The following DUS4L variants were observed in gnomAD, a reference collection of about 807,000 sequenced individuals.
DUS4L encodes the protein tRNA-dihydrouridine(20a/20b) synthase [NAD(P)+]-like.
Under a neutral mutation model 33.8 loss-of-function variants are expected in DUS4L, and 31 were observed. That is an observed-to-expected ratio of 0.92 (90% CI 0.69 to 1.24). The LOEUF (loss-of-function observed/expected upper bound fraction) is 1.24, where lower values mean the gene tolerates loss of function less well. Among genes scored for constraint, DUS4L ranks in the 50% most tolerant of loss-of-function variants. The pLI is 0.00. For synonymous variants in DUS4L, 103 were observed against 120.3 expected (o/e 0.86, Z 0.94); for missense variants, 368 against 388.6 (o/e 0.95, Z 0.45).
In DUS4L at chr7:107,571,173, T is replaced by G; in HGVS notation, c.145T>G (p.Tyr49Asp). The change falls in exon 4 of 8, where the codon TAT becomes GAT. Residue 49 changes from tyrosine to aspartate, a missense_variant. By Grantham distance (160) the Tyr-to-Asp change is radical. Coordinates refer to ENST00000265720, the MANE Select transcript of DUS4L (RefSeq NM_181581.3). ...GGCTTTTAGGACACTAGTAAGAAAA[T>G]ATAGTTGTGATCTGTGTTACACACC... ...KLAFRTLVRK[Y>D]SCDLCYTPMI... 1 of 1,613,592 alleles carries G rather than the reference T, an allele frequency of 6.2e-7. No homozygotes were observed. Among genetic ancestry groups the G allele is most frequent in the Non-Finnish European group, 8.5e-7 (1 of 1,179,882 alleles).
chr7:107,574,056 C>T (rs1247773651), intron 5 of DUS4L, among the ~76,000 whole-genome samples: 2 of 152,154 alleles, frequency 1.3e-5, no homozygotes, highest in African/African-American at 4.8e-5. Flanking sequence ...TTTGTCTCCC[C>T]TCACCAATAG....
intron 5 of DUS4L, 42 bp downstream of exon 5, chr7:107,573,863 A>G (rs775148016): frequency 5.3e-5 from 77 of 1,450,286 alleles, no homozygotes; most frequent in Admixed American, 2.0e-4. Context: ...AAAAGAGTAG[A>G]AAAAAAACTG....
chr7:107,567,245 TTTTAA>T, intron 3 of DUS4L, 59 bp downstream of exon 3: 1 of 1,483,546 alleles, frequency 6.7e-7, no homozygotes, highest in Non-Finnish European at 9.3e-7. Context: ...TGCTCTGACT[TTTTAA>T]AAGTACTGTA....
intron 4 of DUS4L, among the ~76,000 whole-genome samples, chr7:107,571,543 C>G (rs1260301836): frequency 6.6e-6 from 1 of 152,178 alleles, no homozygotes; most frequent in Non-Finnish European, 1.5e-5. Flanking sequence ...CCATTCCAAA[C>G]TATCCTCCAA....
intron 3 of DUS4L, chr7:107,567,869 C>A: frequency 5.4e-6 from 2 of 369,154 alleles, no homozygotes; most frequent in South Asian, 2.2e-5. Context: ...ACTCTAGGTA[C>A]CTCATATAAG....
intron 4 of DUS4L, 58 bp from the exon 5 acceptor site, chr7:107,573,646 T>C: frequency 6.6e-7 from 1 of 1,524,986 alleles, no homozygotes; most frequent in South Asian, 1.3e-5. Context: ...AAGTTTGGTG[T>C]GTGTGTGCAT....
At chr7:107,572,212 G>A (rs1249893319) in intron 4 of DUS4L, among the ~76,000 whole-genome samples, 1 of 152,054 alleles carries the variant, frequency 6.6e-6, no homozygotes, top group African/African-American at 2.4e-5. Context: ...CTAGTACAGT[G>A]TTGGAAATAT....
rs766130720 is a variant in DUS4L, at chr7:107,571,278, C to A, written c.238+12C>A. On this transcript the variant is annotated intron_variant, in intron 4 of 7. Transcript: ENST00000265720. ...TACCACAAATCAAGGTATGTGAAAC[C>A]GAGTGTACTGACTTTGTAAAACTTT... 13 of 1,602,270 alleles carry A rather than the reference C, an allele frequency of 8.1e-6. No homozygotes were observed. The African/African-American group carries it at 1.1e-4, about 13-fold the overall frequency.
intron 3 of DUS4L, 73 bp from the exon 4 acceptor site, chr7:107,571,072 A>C: frequency 1.3e-6 from 2 of 1,590,812 alleles, no homozygotes; most frequent in Non-Finnish European, 1.7e-6. Context: ...TTTCTCTGAT[A>C]AATATTTAAC....
intron 1 of DUS4L, 62 bp from the exon 2 acceptor site, chr7:107,564,526 T>G (rs1250253378): frequency 6.5e-6 from 1 of 153,568 alleles, no homozygotes; most frequent in African/African-American, 2.4e-5. Flanking sequence ...AAACTCACTG[T>G]CTCTACCCTC....
intron 5 of DUS4L, 62 bp downstream of exon 5, chr7:107,573,883 G>T: frequency 7.1e-7 from 1 of 1,406,088 alleles, no homozygotes; most frequent in Non-Finnish European, 9.3e-7. Flanking sequence ...GTGTGAACAT[G>T]GTAAAATATC....
intron 3 of DUS4L, among the ~76,000 whole-genome samples, chr7:107,569,118 G>A (rs1272952228): frequency 1.3e-5 from 2 of 152,322 alleles, no homozygotes; most frequent in African/African-American, 4.8e-5. Flanking sequence ...CAGGAAAATC[G>A]CTTGAACCTG....
At chr7:107,573,929 T>C (rs968632675) in intron 5 of DUS4L, 108 bp downstream of exon 5, 1 of 1,347,300 alleles carries the variant, frequency 7.4e-7, no homozygotes, top group African/African-American at 1.5e-5. Context: ...GAAAATAGAG[T>C]TACAGTCCCA....
chr7:107,576,310 T>A, intron 6 of DUS4L, 56 bp from the exon 7 acceptor site: 1 of 1,502,048 alleles, frequency 6.7e-7, no homozygotes, highest in Non-Finnish European at 9.1e-7. Flanking sequence ...AGTCAGTTAA[T>A]GTTAGCATTA....
chr7:107,576,428 C>G lies in DUS4L; in HGVS notation c.542C>G (p.Ser181Ter). Residue 181 changes from serine (S) to a stop codon, truncating the protein, a stop_gained, in exon 7 of 8, where the codon TCA becomes TGA. Coordinates refer to ENST00000265720, the MANE Select transcript of DUS4L (RefSeq NM_181581.3). LOFTEE classifies it high-confidence loss of function. The stretch of plus-strand genomic sequence containing the variant: ...CAAAAGGCTGAAGCAACAGGAGTTT[C>G]ATGGATTACAGTCCATGGAAGAACT... ...LCQKAEATGV[S>*]WITVHGRTAE... The G allele has an allele frequency of 6.2e-7, 1 of 1,612,228 alleles. No homozygotes were observed. The highest frequency in any genetic ancestry group is 8.5e-7 in the Non-Finnish European group (1 of 1,179,650).
At chr7:107,577,130 C>A in intron 7 of DUS4L, 183 bp from the exon 8 acceptor site, 1 of 774,372 alleles carries the variant, frequency 1.3e-6, no homozygotes, top group South Asian at 2.7e-5. Flanking sequence ...TTAAACTTTC[C>A]TGGTTTACAA....
intron 1 of DUS4L, 52 bp downstream of exon 1, chr7:107,564,261 C>A: frequency 1.8e-6 from 1 of 545,760 alleles, no homozygotes; most frequent in Non-Finnish European, 3.3e-6. Flanking sequence ...AGTATTAAAC[C>A]TCAGAACAGG....
At chr7:107,576,814 C>T in intron 7 of DUS4L, 1 of 462,416 alleles carries the variant, frequency 2.2e-6, no homozygotes, top group East Asian at 3.9e-5. Flanking sequence ...TTTTCTGACA[C>T]CATCATATCT....
chr7:107,577,163 T>C, intron 7 of DUS4L, 150 bp from the exon 8 acceptor site: 1 of 1,094,786 alleles, frequency 9.1e-7, no homozygotes, highest in Non-Finnish European at 1.3e-6. Context: ...TTAATTCTTT[T>C]GTAATCGGAT....
Sources: gnomAD v4.1 joint callset for allele counts (sites outside exome capture counted in the v4.1 genomes callset) on GRCh38, gnomAD v4.1.1 for gene constraint, MANE v1.5 for transcripts, NCBI Gene and HGNC (gene_info 2026-07-23, HGNC 2026-07-21) for gene names.